The following ARHGAP42 variants were observed in gnomAD, a reference collection of about 807,000 sequenced individuals.
ARHGAP42 encodes the protein Rho GTPase activating protein 42.
In ARHGAP42, 63 loss-of-function variants were observed where a neutral mutation model predicts 125.0. The ratio of observed to expected loss-of-function variants is 0.50; its 90% CI spans 0.41 to 0.62. The LOEUF (loss-of-function observed/expected upper bound fraction) is 0.62. Ranked by LOEUF, ARHGAP42 falls within the 20% of genes least tolerant of loss-of-function variation. The pLI is 0.00. For synonymous variants in ARHGAP42, 339 were observed against 351.0 expected, an observed-to-expected ratio of 0.97 and a Z score of 0.38; for missense variants, 766 against 1,024.2, an observed-to-expected ratio of 0.75 and a Z score of 3.44.
At chr11:100,900,049 C>T (rs992793403) in intron 4 of ARHGAP42, among the ~76,000 whole-genome samples, 3 of 152,072 alleles carry the variant, frequency 2.0e-5, no homozygotes, top group Admixed American at 6.5e-5. Context: ...TCGTACTGGT[C>T]GTTTCTTTCC....
chr11:100,808,606 C>T (rs1419281481), intron 3 of ARHGAP42, among the ~76,000 whole-genome samples: 1 of 151,386 alleles, frequency 6.6e-6, no homozygotes, highest in Admixed American at 6.6e-5. Context: ...GGGGTTTCAC[C>T]TTGTTAGCCA....
At chr11:100,987,690 G>T in intron 23 of ARHGAP42, 98 bp downstream of exon 23, 2 of 1,126,602 alleles carry the variant, frequency 1.8e-6, no homozygotes, top group Middle Eastern at 2.0e-4. Flanking sequence ...AGAAGCCTCA[G>T]ATTTTATCCC....
At chr11:100,707,692 A>G (rs1010916053) in intron 1 of ARHGAP42, among the ~76,000 whole-genome samples, 2 of 152,228 alleles carry the variant, frequency 1.3e-5, no homozygotes, top group Non-Finnish European at 2.9e-5. Flanking sequence ...TATTCATTCA[A>G]CAGATGTATT....
At chr11:100,944,476 A>G (rs1425819138) in intron 10 of ARHGAP42, among the ~76,000 whole-genome samples, 2 of 152,074 alleles carry the variant, frequency 1.3e-5, no homozygotes, top group Admixed American at 6.6e-5. Flanking sequence ...TAGTGCCACA[A>G]TATTCTAAAT....
At chr11:100,885,062 A>G (rs1866058645) in intron 4 of ARHGAP42, among the ~76,000 whole-genome samples, 1 of 152,106 alleles carries the variant, frequency 6.6e-6, no homozygotes, top group Non-Finnish European at 1.5e-5. Flanking sequence ...AACATCCAAA[A>G]ATGGCCTAAT....
At chr11:100,857,983 T>G (rs1471468185) in intron 3 of ARHGAP42, among the ~76,000 whole-genome samples, 1 of 152,058 alleles carries the variant, frequency 6.6e-6, no homozygotes, top group Non-Finnish European at 1.5e-5. Context: ...TTGCTATTAC[T>G]CCAAGTTACA....
intron 1 of ARHGAP42, among the ~76,000 whole-genome samples, chr11:100,699,480 GTATATATATATA>G (rs36193705): frequency 7.2e-5 from 3 of 41,458 alleles, no homozygotes; most frequent in Non-Finnish European, 1.3e-4. Context: ...ATTTATTCAT[GTATATATATATA>G]TATATATATA....
chr11:100,941,993 C>A, intron 9 of ARHGAP42, 109 bp downstream of exon 9: 2 of 835,326 alleles, frequency 2.4e-6, no homozygotes, highest in Non-Finnish European at 3.7e-6. Flanking sequence ...TACACATTTA[C>A]AAAAAAATAG....
At chr11:100,866,743 T>TC (rs1865578350) in intron 4 of ARHGAP42, among the ~76,000 whole-genome samples, 1 of 152,136 alleles carries the variant, frequency 6.6e-6, no homozygotes, top group African/African-American at 2.4e-5. Context: ...GCCCCCATGA[T>TC]CCAGTCACCT....
At chr11:100,690,076 C>T (rs1861161019) in intron 1 of ARHGAP42, among the ~76,000 whole-genome samples, 1 of 152,150 alleles carries the variant, frequency 6.6e-6, no homozygotes, top group African/African-American at 2.4e-5. Flanking sequence ...ATGGGGCTGA[C>T]CATTCCACTG....
At chr11:100,739,861 A>C (rs1862146012) in intron 1 of ARHGAP42, among the ~76,000 whole-genome samples, 1 of 151,622 alleles carries the variant, frequency 6.6e-6, no homozygotes, top group African/African-American at 2.4e-5. Context: ...GACATACCCC[A>C]CCCCCAACAC....
intron 1 of ARHGAP42, among the ~76,000 whole-genome samples, chr11:100,695,519 G>T (rs1861261578): frequency 6.6e-6 from 1 of 152,096 alleles, no homozygotes; most frequent in African/African-American, 2.4e-5. Flanking sequence ...TGGTCAGGCT[G>T]GTCTCAAACT....
chr11:100,922,035 C>A (rs1463323274), intron 6 of ARHGAP42, among the ~76,000 whole-genome samples: 3 of 152,078 alleles, frequency 2.0e-5, no homozygotes, highest in Non-Finnish European at 4.4e-5. Context: ...GAACTTCATT[C>A]TTTCCACTCA....
At chr11:100,781,248 T>C (rs912550802) in intron 2 of ARHGAP42, among the ~76,000 whole-genome samples, 1 of 152,138 alleles carries the variant, frequency 6.6e-6, no homozygotes, top group Admixed American at 6.5e-5. Flanking sequence ...TTACTTTCTT[T>C]ATGTACATGT....
At chr11:100,703,279 C>T (rs900279105) in intron 1 of ARHGAP42, among the ~76,000 whole-genome samples, 4 of 152,074 alleles carry the variant, frequency 2.6e-5, no homozygotes, top group African/African-American at 9.7e-5. Context: ...GCCATTGGCC[C>T]CATACTCTAT....
chr11:100,875,103 CTCTCTGTGTGTGTGTGTGTGTGTG>C (rs1444209323), intron 4 of ARHGAP42, among the ~76,000 whole-genome samples: 1 of 52,894 alleles, frequency 1.9e-5, no homozygotes, highest in Non-Finnish European at 4.3e-5. Flanking sequence ...CTCTCTCTCT[CTCTCTGTGTGTGTGTGTGTGTGTG>C]TGTGTGTGTG....
At chr11:100,823,999 A>C (rs1218163107) in intron 3 of ARHGAP42, among the ~76,000 whole-genome samples, 1 of 152,250 alleles carries the variant, frequency 6.6e-6, no homozygotes, top group Non-Finnish European at 1.5e-5. Context: ...TTTTCAATCA[A>C]GTAGAGCATT....
At chr11:100,840,163 T>C (rs529773824) in intron 3 of ARHGAP42, among the ~76,000 whole-genome samples, 2 of 152,298 alleles carry the variant, frequency 1.3e-5, no homozygotes, top group East Asian at 3.9e-4. Flanking sequence ...CCCTCCATAT[T>C]CTTTTAAAAC....
intron 1 of ARHGAP42, among the ~76,000 whole-genome samples, chr11:100,696,335 TTTTTTTATTTTTTA>T (rs763451484): frequency 6.6e-6 from 1 of 152,030 alleles, no homozygotes; most frequent in African/African-American, 2.4e-5. Flanking sequence ...AAATGTCTAT[TTTTTTTATTTTTTA>T]TTTTATCTAT....
Sources: gnomAD v4.1 joint callset for allele counts (sites outside exome capture counted in the v4.1 genomes callset) on GRCh38, gnomAD v4.1.1 for gene constraint, MANE v1.5 for transcripts, NCBI Gene and HGNC (gene_info 2026-07-23, HGNC 2026-07-21) for gene names.